Variants in ASH1L observed in about 807,000 individuals in gnomAD.
ASH1L encodes ASH1 like histone lysine methyltransferase, also known as histone-lysine N-methyltransferase ASH1L.
In ASH1L, 23 loss-of-function variants were observed where a neutral mutation model predicts 269.0. The ratio of observed to expected loss-of-function variants is 0.09; its 90% CI spans 0.06 to 0.12. ASH1L has a LOEUF of 0.12. Ranked by LOEUF, ASH1L falls within the 10% of genes least tolerant of loss-of-function variation. The pLI is 1.00. For missense variants in ASH1L, 2,912 were observed against 3,567.8 expected (o/e 0.82, Z 4.68); for synonymous variants, 1,187 against 1,253.5 (o/e 0.95, Z 1.12).
At chr1:155,390,144 T>C (rs1657797866) in intron 7 of ASH1L, among the ~76,000 whole-genome samples, 1 of 152,112 alleles carries the variant, frequency 6.6e-6, no homozygotes, top group Non-Finnish European at 1.5e-5. Flanking sequence ...GGCTTACCAG[T>C]ATCCAAAATA....
Position 155,459,735 on chromosome 1 carries a change from C to T in ASH1L, c.5086+62G>A, listed in dbSNP as rs377185391. The T allele has an allele frequency of 4.6e-6, 6 of 1,318,394 alleles. No homozygotes were observed. The African/African-American group carries it at 5.8e-5, about 13-fold the overall frequency. The allele number at this position is 1,318,394 out of a possible 1,614,324, so 81.7% of individuals were successfully genotyped here. On this transcript the variant is annotated intron_variant, in intron 4 of 27. Transcript: ENST00000392403. ...TATTTTTTCTACAATATTGTAACTC[C>T]TTATTCACAAATAACAAATGGGAAA... is the stretch of plus-strand genomic sequence containing the variant.
In ASH1L at chr1:155,482,013, T is replaced by C. The variant is rs1665993924; in HGVS notation, c.857A>G (p.Asp286Gly). Residue 286 changes from aspartate (D) to glycine (G), a missense_variant, in exon 3 of 28, where the codon GAT becomes GGT. Coordinates refer to ENST00000392403, the MANE Select transcript of ASH1L (RefSeq NM_018489.3). Reference protein sequence around the residue: ...ISTAVGLVTKDPGKKPVFNAA... With the variant: ...ISTAVGLVTKGPGKKPVFNAA... ...ATTAAACACTGGCTTTTTCCCAGGA[T>C]CTTTAGTTACCAATCCAACTGCTGT... 6.2e-7 allele frequency: 1 copy of C among 1,614,074 alleles called. No homozygotes were observed. The highest frequency in any genetic ancestry group is 8.5e-7 in the Non-Finnish European group (1 of 1,180,034).
At chr1:155,420,541 A>C (rs1310335922) in intron 5 of ASH1L, among the ~76,000 whole-genome samples, 1 of 151,694 alleles carries the variant, frequency 6.6e-6, no homozygotes, top group Non-Finnish European at 1.5e-5. Flanking sequence ...TAAGAGTATA[A>C]ACAAAACAAT....
In ASH1L at chr1:155,422,685, G is replaced by A. The variant is rs186500198; in HGVS notation, c.5829-6762C>T. 1.0e-4 allele frequency among the ~76,000 whole-genome samples: 15 copies of A among 144,492 alleles called. No individual in the cohort carries two copies. In the East Asian group the frequency reaches 3.0e-3, roughly 29 times the overall value. 94.8% of individuals were successfully genotyped at this position (144,492 alleles called of 152,430 possible). ...TTTTTTTGAGACTGAGTTTTACTCT[G>A]CCGCTGAGGCTGGAGTGCAGTGGCG... is the stretch of plus-strand genomic sequence containing the variant. On this transcript the variant is annotated intron_variant, in intron 5 of 27. Coordinates refer to ENST00000392403, the MANE Select transcript of ASH1L (RefSeq NM_018489.3).
In ASH1L at chr1:155,481,991, A is replaced by G; in HGVS notation, c.879T>C (p.Phe293=). The G allele has an allele frequency of 6.2e-7, 1 of 1,614,172 alleles. No homozygotes were observed. The highest frequency in any genetic ancestry group is 8.5e-7 in the Non-Finnish European group (1 of 1,180,034). The change falls in exon 3 of 28, where the codon TTT becomes TTC. Residue 293 remains phenylalanine (F), a synonymous_variant. Coordinates refer to ENST00000392403, the MANE Select transcript of ASH1L (RefSeq NM_018489.3). ...TATTGACCAATCCTACTGCTGCATT[A>G]AACACTGGCTTTTTCCCAGGATCTT... ...VTKDPGKKPV[F]NAAVGLVNKD...
chr1:155,428,775 A>G (rs529272769), intron 5 of ASH1L, among the ~76,000 whole-genome samples: 2 of 152,190 alleles, frequency 1.3e-5, no homozygotes, highest in Non-Finnish European at 2.9e-5. Flanking sequence ...AGATACTTTT[A>G]GTTAATCCCG....
intron 1 of ASH1L, among the ~76,000 whole-genome samples, chr1:155,522,567 TTTA>T (rs1269938836): frequency 6.6e-6 from 1 of 152,160 alleles, no homozygotes; most frequent in African/African-American, 2.4e-5. Flanking sequence ...AGCGTGCTAA[TTTA>T]TTATTTTACA....
At chr1:155,523,144 T>A (rs1482590660) in intron 1 of ASH1L, among the ~76,000 whole-genome samples, 1 of 152,110 alleles carries the variant, frequency 6.6e-6, no homozygotes. Context: ...GAAAGTTCCA[T>A]TTATGAAGTA....
intron 5 of ASH1L, among the ~76,000 whole-genome samples, chr1:155,426,342 T>C (rs1431450209): frequency 2.6e-5 from 4 of 151,974 alleles, no homozygotes; most frequent in Non-Finnish European, 4.4e-5. Flanking sequence ...AGTGCTAGGA[T>C]TACAGGCATG....
intron 17 of ASH1L, among the ~76,000 whole-genome samples, chr1:155,350,916 G>A (rs1425712570): frequency 5.9e-5 from 3 of 51,094 alleles, no homozygotes; most frequent in Non-Finnish European, 1.1e-4. Flanking sequence ...ACAGGACTCC[G>A]TCCTAAAAAA....
chr1:155,485,739 A>G (rs1345306276), intron 2 of ASH1L, among the ~76,000 whole-genome samples: 2 of 152,200 alleles, frequency 1.3e-5, no homozygotes, highest in African/African-American at 2.4e-5. Context: ...GCCTACAAAC[A>G]TCGACAACCC....
intron 7 of ASH1L, among the ~76,000 whole-genome samples, chr1:155,384,776 T>C (rs555846531): frequency 6.6e-6 from 1 of 152,342 alleles, no homozygotes; most frequent in African/African-American, 2.4e-5. Flanking sequence ...CGGAGTCTGC[T>C]AATCTTCTTG....
intron 12 of ASH1L, among the ~76,000 whole-genome samples, chr1:155,365,974 G>C (rs1655385971): frequency 6.6e-6 from 1 of 152,094 alleles, no homozygotes. Flanking sequence ...CTTATAAAAG[G>C]GAGGGGGAAA....
chr1:155,368,898 A>G (rs1266758378), intron 12 of ASH1L, among the ~76,000 whole-genome samples: 1 of 152,228 alleles, frequency 6.6e-6, no homozygotes, highest in Non-Finnish European at 1.5e-5. Context: ...TGCATTCAAC[A>G]TGGATGAACT....
chr1:155,441,934 T>C (rs1001058214), intron 4 of ASH1L, among the ~76,000 whole-genome samples: 1 of 151,806 alleles, frequency 6.6e-6, no homozygotes, highest in African/African-American at 2.4e-5. Flanking sequence ...CCCAGCTACT[T>C]TTTTGTATTT....
At chr1:155,540,757 A>T (rs767229327) in intron 1 of ASH1L, among the ~76,000 whole-genome samples, 5 of 152,096 alleles carry the variant, frequency 3.3e-5, no homozygotes, top group Non-Finnish European at 7.4e-5. Flanking sequence ...TGACAACACG[A>T]GACCCTGTCT....
intron 2 of ASH1L, among the ~76,000 whole-genome samples, chr1:155,505,505 ACCT>A (rs1440779093): frequency 2.0e-5 from 3 of 152,096 alleles, no homozygotes; most frequent in African/African-American, 7.2e-5. Flanking sequence ...TAAAACTGTA[ACCT>A]CCTTTGTGAA....
At chr1:155,347,930 T>C (rs1233008286) in intron 19 of ASH1L, 26 bp from the exon 20 acceptor site, 4 of 1,610,938 alleles carry the variant, frequency 2.5e-6, no homozygotes, top group African/African-American at 2.7e-5. Context: ...AAAGAAATCA[T>C]GTTTGGTTCT....
intron 6 of ASH1L, among the ~76,000 whole-genome samples, chr1:155,404,027 G>A (rs560903559): frequency 6.7e-6 from 1 of 148,244 alleles, no homozygotes; most frequent in South Asian, 2.2e-4. Context: ...TTGCACTCCA[G>A]CCTGGGCAAC....
Sources: allele counts gnomAD v4.1 joint callset (sites outside exome capture counted in the v4.1 genomes callset), GRCh38; gene constraint gnomAD v4.1.1; transcripts MANE v1.5; gene names NCBI Gene and HGNC (gene_info 2026-07-23, HGNC 2026-07-21).